Variants in KNG1 observed in about 807,000 individuals in gnomAD.
KNG1 encodes the protein kininogen-1.
KNG1 carries 23 observed loss-of-function variants against 47.8 expected under a neutral mutation model. The ratio of observed to expected loss-of-function variants is 0.48; its 90% CI spans 0.35 to 0.68. The LOEUF (loss-of-function observed/expected upper bound fraction) is 0.68, where lower values mean the gene tolerates loss of function less well. KNG1 is among the 30% of genes least tolerant of loss of function. The pLI, the probability that KNG1 is intolerant of heterozygous loss-of-function variation, is 0.01. For missense variants in KNG1, 762 were observed against 790.2 expected (o/e 0.96, Z 0.43); for synonymous variants, 277 against 277.0 (o/e 1.00, Z 0.00).
chr3:186,720,117 A>T lies in KNG1; in HGVS notation c.208A>T (p.Thr70Ser). The change falls in exon 2 of 10, where the codon ACG (threonine) becomes TCG (serine). Residue 70 changes from threonine (T) to serine (S), a missense_variant. Physicochemically the swap from Thr to Ser is moderately conservative, Grantham distance 58. Transcript: ENST00000644859. ...GGCTGCTTTTCAGGTTGGCTCTGAC[A>T]CGTTTTATTCCTTCAAGTACGAAAT... ...TEATKTVGSD[T>S]FYSFKYEIKE... 6.2e-7 allele frequency: 1 copy of T among 1,613,318 alleles called. No individual in the cohort carries two copies. The highest frequency in any genetic ancestry group is 8.5e-7 in the Non-Finnish European group (1 of 1,179,268).
At position 186,742,222 on chromosome 3, in the gene KNG1, C is replaced by T. The variant is rs1275616250; in HGVS notation, c.1826C>T (p.Thr609Met). ...AACCCAATATCAGATTTTCCAGACA[C>T]GACCTCCCCAAAATGTCCTGGACGC... ...SFNPISDFPD[T>M]TSPKCPGRPW... The change falls in exon 10 of 10, where the codon ACG becomes ATG. Residue 609 changes from threonine (T) to methionine (M), a missense_variant. Thr to Met is a moderately conservative substitution (Grantham distance 81, BLOSUM62 -1). Coordinates refer to ENST00000644859, the MANE Select transcript of KNG1 (RefSeq NM_001102416.3). The T allele has an allele frequency of 4.3e-6, 7 of 1,614,186 alleles. No homozygotes were observed. The highest frequency in any genetic ancestry group is 4.5e-5 in the East Asian group (2 of 44,880).
intron 3 of KNG1, among the ~76,000 whole-genome samples, chr3:186,724,336 C>T (rs546721878): frequency 9.7e-4 from 148 of 152,318 alleles, no homozygotes; most frequent in African/African-American, 3.3e-3. Flanking sequence ...TCTGCAGCTA[C>T]GTTCCCTTTT....
chr3:186,742,453 A>G lies in KNG1; in HGVS notation c.*122A>G. 6.6e-7 allele frequency: 1 copy of G among 1,520,994 alleles called. No homozygotes were observed. Among genetic ancestry groups the G allele is most frequent in the South Asian group, 1.2e-5 (1 of 80,548 alleles). The allele number at this position is 1,520,994 out of a possible 1,614,324, so 94.2% of individuals were successfully genotyped here. On this transcript the variant is annotated 3_prime_UTR_variant, in exon 10 of 10. Coordinates refer to ENST00000644859, the MANE Select transcript of KNG1 (RefSeq NM_001102416.3). ...AAACCATGCAGCTTCGGAACAGTCT[A>G]AAGAGAAGTGGTGAGACTCCCAGTG...
chr3:186,720,159 C>G lies in KNG1; in HGVS notation c.250C>G (p.Pro84Ala), dbSNP rs778998765. 1 of 1,613,916 alleles carries G rather than the reference C, an allele frequency of 6.2e-7. No homozygotes were observed. Among genetic ancestry groups the G allele is most frequent in the Admixed American group, 1.7e-5 (1 of 59,990 alleles). The change falls in exon 2 of 10, where the codon CCT (proline) becomes GCT (alanine). Residue 84 changes from proline to alanine, a missense_variant. By Grantham distance (27) the Pro-to-Ala change is conservative. Transcript: ENST00000644859. ...GTACGAAATCAAGGAGGGGGATTGTCCTGTTCAAAGTGGCAAAACCTGGCA... is the reference window on the plus strand; with the variant it reads ...GTACGAAATCAAGGAGGGGGATTGTGCTGTTCAAAGTGGCAAAACCTGGCA... ...FKYEIKEGDCPVQSGKTWQDC... is the reference protein window; with the variant it reads ...FKYEIKEGDCAVQSGKTWQDC...
At position 186,744,149 on chromosome 3, in the gene KNG1, A is replaced by G; in HGVS notation, c.*1818A>G. 1 of 295,510 alleles carries G rather than the reference A, an allele frequency of 3.4e-6. No homozygotes were observed. The highest frequency in any genetic ancestry group is 2.1e-5 in the African/African-American group (1 of 47,050). The allele number at this position is 295,510 out of a possible 1,614,324, so 18.3% of individuals were successfully genotyped here. ...AGAGTTAGTAGGTCATGCTTCTACC[A>G]GTAATCTAAGGACTCTCTCCTTCTC... On this transcript the variant is annotated 3_prime_UTR_variant, in exon 10 of 10. Coordinates refer to ENST00000644859, the MANE Select transcript of KNG1 (RefSeq NM_001102416.3).
rs745751330 is a variant in KNG1, at chr3:186,742,080, G to A, written c.1684G>A (p.Asp562Asn). 3 of 1,613,874 alleles carry A rather than the reference G, an allele frequency of 1.9e-6. No homozygotes were observed. Among genetic ancestry groups the A allele is most frequent in the South Asian group, 1.1e-5 (1 of 91,040 alleles). ...AKPGVTVTFS[D>N]FQDSDLIATM... is the part of the protein sequence containing the mutation. ...GCCAGGTGTAACAGTTACCTTTTCT[G>A]ACTTTCAGGACTCTGATCTCATTGC... Residue 562 changes from aspartate to asparagine, a missense_variant, in exon 10 of 10, where the codon GAC (aspartate) becomes AAC (asparagine). By Grantham distance (23) the Asp-to-Asn change is conservative. Coordinates refer to ENST00000644859, the MANE Select transcript of KNG1 (RefSeq NM_001102416.3).
At chr3:186,737,432 G>A (rs889041912) in intron 7 of KNG1, among the ~76,000 whole-genome samples, 1 of 151,962 alleles carries the variant, frequency 6.6e-6, no homozygotes, top group African/African-American at 2.4e-5. Flanking sequence ...CTCTAGTCAA[G>A]TTTTAGTATT....
rs764141229 is a variant in KNG1 at position 186,732,490 on chromosome 3, T to C, written c.758-12T>C. On this transcript the variant is annotated splice_polypyrimidine_tract_variant and intron_variant, in intron 6 of 9. Coordinates refer to ENST00000644859, the MANE Select transcript of KNG1 (RefSeq NM_001102416.3). ...TCAGTGTACATGTTGACTTAAAACC[T>C]GATCCTTTCAGGGAAGGATTTTGTA... 57 of 1,613,590 alleles carry C rather than the reference T, an allele frequency of 3.5e-5. 1 individual carries two copies. The highest frequency in any genetic ancestry group is 3.3e-4 in the Middle Eastern group (2 of 6,084).
intron 6 of KNG1, 92 bp downstream of exon 6, chr3:186,731,721 C>A: frequency 2.5e-6 from 2 of 788,850 alleles, no homozygotes; most frequent in Non-Finnish European, 2.2e-6. Context: ...TTTTGGTTCC[C>A]GTGATATACT....
rs2108640053 is a variant in KNG1, at chr3:186,743,820, C to T, written c.*1489C>T. The T allele has an allele frequency of 6.9e-7, 1 of 1,459,710 alleles. No individual in the cohort carries two copies. Among genetic ancestry groups the T allele is most frequent in the Non-Finnish European group, 9.6e-7 (1 of 1,039,356 alleles). The allele number at this position is 1,459,710 out of a possible 1,614,324, so 90.4% of individuals were successfully genotyped here. On this transcript the variant is annotated 3_prime_UTR_variant, in exon 10 of 10. Transcript: ENST00000644859. ...AGAATCTTCACTCCAGGCACATAGC[C>T]CCAACCACCTCTGCCAGCAACCTTG...
In KNG1 at chr3:186,732,534, T is replaced by G. The variant is rs375647317; in HGVS notation, c.790T>G (p.Cys264Gly). 6.2e-7 allele frequency: 1 copy of G among 1,614,130 alleles called. No individual in the cohort carries two copies. ...TTTTGTACAACCACCTACCAAGATT[T>G]GCGTGGGCTGCCCCAGAGATATACC... The part of the protein sequence containing the change: ...KDFVQPPTKI[C>G]VGCPRDIPTN... The change falls in exon 7 of 10, where the codon TGC (cysteine) becomes GGC (glycine). Residue 264 changes from cysteine to glycine, a missense_variant. Cys to Gly is a radical substitution (Grantham distance 159, BLOSUM62 -3). Coordinates refer to ENST00000644859, the MANE Select transcript of KNG1 (RefSeq NM_001102416.3).
rs908587367 is a variant in KNG1 at position 186,741,753 on chromosome 3, C to T, written c.1357C>T (p.His453Tyr). The T allele has an allele frequency of 1.9e-6, 3 of 1,614,192 alleles. No homozygotes were observed. Among genetic ancestry groups the T allele is most frequent in the Non-Finnish European group, 2.5e-6 (3 of 1,180,032 alleles). The part of the protein sequence containing the change: ...HGHKHERDQG[H>Y]GHQRGHGLGH... ...CCATAAACATGAACGTGACCAAGGG[C>T]ATGGGCACCAAAGAGGACATGGCCT... The change falls in exon 10 of 10, where the codon CAT (histidine) becomes TAT (tyrosine). Residue 453 changes from histidine (H) to tyrosine (Y), a missense_variant. Transcript: ENST00000644859.
chr3:186,739,125 T>C lies in KNG1; in HGVS notation c.957T>C (p.Ile319=). 2.5e-6 allele frequency: 4 copies of C among 1,614,126 alleles called. No individual in the cohort carries two copies. The highest frequency in any genetic ancestry group is 3.4e-6 in the Non-Finnish European group (4 of 1,179,970). Residue 319 remains isoleucine (I), a synonymous_variant, in exon 8 of 10, where the codon ATT becomes ATC. Transcript: ENST00000644859. ...VQVVAGKKYF[I]DFVARETTCS... is the part of the protein sequence containing the mutation. ...TGGTGGCTGGCAAGAAATATTTTAT[T>C]GACTTCGTGGCCAGGGAAACCACAT...
At position 186,717,437 on chromosome 3, in the gene KNG1, A is replaced by T; in HGVS notation, c.-106A>T. 1 of 867,426 alleles carries T rather than the reference A, an allele frequency of 1.2e-6. No homozygotes were observed. The highest frequency in any genetic ancestry group is 1.9e-6 in the Non-Finnish European group (1 of 513,412). The allele number at this position is 867,426 out of a possible 1,614,324, so 53.7% of individuals were successfully genotyped here. ...TGCCCTGAGTTCTGAGGCAGAGAGG[A>T]GGACAGAAGAAACAAGAGGCTGGAG... On this transcript the variant is annotated 5_prime_UTR_variant, in exon 1 of 10. Transcript: ENST00000644859.
intron 3 of KNG1, among the ~76,000 whole-genome samples, chr3:186,723,860 G>A (rs1002081474): frequency 6.6e-6 from 1 of 151,990 alleles, no homozygotes; most frequent in African/African-American, 2.4e-5. Context: ...CACCATGTTG[G>A]CCAGGCTGGT....
chr3:186,733,222 G>C (rs1720584882), intron 7 of KNG1, among the ~76,000 whole-genome samples: 1 of 150,822 alleles, frequency 6.6e-6, no homozygotes, highest in South Asian at 2.1e-4. Context: ...CTCCAGCCTG[G>C]CAACAGAGCG....
At chr3:186,719,564 T>G (rs1720124701) in intron 1 of KNG1, among the ~76,000 whole-genome samples, 1 of 151,988 alleles carries the variant, frequency 6.6e-6, no homozygotes, top group Middle Eastern at 3.4e-3. Flanking sequence ...CAGTCTCTAC[T>G]AAAAAATACA....
intron 1 of KNG1, among the ~76,000 whole-genome samples, chr3:186,718,825 A>C (rs1193924257): frequency 6.6e-6 from 1 of 152,246 alleles, no homozygotes; most frequent in Admixed American, 6.5e-5. Flanking sequence ...TGGGTTTAAC[A>C]GCAACGTTTT....
chr3:186,733,293 T>C (rs1450531850), intron 7 of KNG1, among the ~76,000 whole-genome samples: 1 of 152,128 alleles, frequency 6.6e-6, no homozygotes, highest in African/African-American at 2.4e-5. Flanking sequence ...CATGATATAA[T>C]TAATAAAATT....
Sources: allele counts gnomAD v4.1 joint callset (sites outside exome capture counted in the v4.1 genomes callset), GRCh38; gene constraint gnomAD v4.1.1; transcripts MANE v1.5; gene names NCBI Gene and HGNC (gene_info 2026-07-23, HGNC 2026-07-21).